Variants in SLITRK2 observed in about 807,000 individuals in gnomAD.
The protein encoded by SLITRK2 is SLIT and NTRK-like protein 2.
Under a neutral mutation model 35.4 loss-of-function variants are expected in SLITRK2, and 13 were observed. The observed-to-expected ratio is 0.37, with a 90% CI of 0.24 to 0.58. The LOEUF is 0.58. Ranked by LOEUF, SLITRK2 falls within the 20% of genes least tolerant of loss-of-function variation. The pLI is 0.75. For synonymous variants in SLITRK2, 294 were observed against 264.7 expected (o/e 1.11, Z -1.07); for missense variants, 471 against 634.3 (o/e 0.74, Z 2.76).
rs782276159 is a variant in SLITRK2 at position 145,824,134 on chromosome X, A to C, written c.1709A>C (p.Lys570Thr). Residue 570 changes from lysine to threonine, a missense_variant, in exon 5 of 5, where the codon AAA (lysine) becomes ACA (threonine). Lys to Thr is a moderately conservative substitution (Grantham distance 78, BLOSUM62 -1). Around this residue, in one of 7 missense-constraint regions of SLITRK2, gnomAD observed 92 missense variants for 184.2 expected, o/e 0.50. Transcript: ENST00000335565. ...SPAKHAGEIL[K>T]FLGREAICPD... ...GCTAAGCATGCAGGGGAGATACTAA[A>C]ATTTCTGGGGAGGGAGGCTATCTGT... 1 of 1,210,020 alleles carries C rather than the reference A, an allele frequency of 8.3e-7. No homozygotes were observed. The highest frequency in any genetic ancestry group is 1.7e-5 in the African/African-American group (1 of 57,560).
At position 145,826,350 on chromosome X, in the gene SLITRK2, C is replaced by T. The variant is rs1007005357; in HGVS notation, c.*1387C>T. On this transcript the variant is annotated 3_prime_UTR_variant, in exon 5 of 5. Coordinates refer to ENST00000335565, the MANE Select transcript of SLITRK2 (RefSeq NM_032539.5). ...GTGCTATCAAATCAAGTACTATTTG[C>T]GTCTCCAAATCGATTAATAGTTACC... 5 of 112,013 alleles carry T rather than the reference C, an allele frequency of 4.5e-5. No homozygotes were observed. Among genetic ancestry groups the T allele is most frequent in the Admixed American group, 2.8e-4 (3 of 10,592 alleles). The allele number at this position is 112,013 out of a possible 1,213,427, so 9.2% of individuals were successfully genotyped here.
Position 145,826,596 on chromosome X carries a change from C to T in SLITRK2, c.*1633C>T, listed in dbSNP as rs1432690723. ...TTAAACAAACAGCCCTTCTTTACAA[C>T]AAAAAATAGTTTTGTTTTGTCTATT... On this transcript the variant is annotated 3_prime_UTR_variant, in exon 5 of 5. Coordinates refer to ENST00000335565, the MANE Select transcript of SLITRK2 (RefSeq NM_032539.5). The T allele has an allele frequency of 8.9e-6, 1 of 112,111 alleles. No homozygotes were observed. The highest frequency in any genetic ancestry group is 1.9e-5 in the Non-Finnish European group (1 of 53,099). The allele number at this position is 112,111 out of a possible 1,213,427, so 9.2% of individuals were successfully genotyped here.
rs1419676447 is a variant in SLITRK2, at chrX:145,827,191, T to C, written c.*2228T>C. 8.9e-6 allele frequency: 1 copy of C among 112,045 alleles called. No homozygotes were observed. The highest frequency in any genetic ancestry group is 9.5e-5 in the Admixed American group (1 of 10,524). 9.2% of individuals were successfully genotyped at this position (112,045 alleles called of 1,213,427 possible). On this transcript the variant is annotated 3_prime_UTR_variant, in exon 5 of 5. Coordinates refer to ENST00000335565, the MANE Select transcript of SLITRK2 (RefSeq NM_032539.5). Reference sequence around the variant, plus strand: ...GAACTAGAATATTATGCTAGTTGAATGTGGAGAAGACTCCTGGAAACCACT... The same window carrying C: ...GAACTAGAATATTATGCTAGTTGAACGTGGAGAAGACTCCTGGAAACCACT...
intron 2 of SLITRK2, 96 bp downstream of exon 2, chrX:145,820,632 C>T (rs1276464200): frequency 9.0e-6 from 1 of 111,643 alleles, no homozygotes; most frequent in African/African-American, 3.3e-5. Flanking sequence ...CCTAGCTCCC[C>T]TGCCCCTGCA....
In SLITRK2 at chrX:145,823,342, A is replaced by G. The variant is rs782156172; in HGVS notation, c.917A>G (p.Lys306Arg). 5 of 1,209,404 alleles carry G rather than the reference A, an allele frequency of 4.1e-6. No individual in the cohort carries two copies. The highest frequency in any genetic ancestry group is 3.4e-6 in the Non-Finnish European group (3 of 895,026). Reference protein sequence around the residue: ...TRAPKASRPPKMRNRPTPRVT... With the variant: ...TRAPKASRPPRMRNRPTPRVT... ...GCTCCGAAAGCCAGCCGGCCGCCCA[A>G]AATGAGAAATCGTCCAACTCCTCGA... The change falls in exon 5 of 5, where the codon AAA becomes AGA. Residue 306 changes from lysine (K) to arginine (R), a missense_variant. Coordinates refer to ENST00000335565, the MANE Select transcript of SLITRK2 (RefSeq NM_032539.5).
chrX:145,822,652 G>C lies in SLITRK2; in HGVS notation c.227G>C (p.Arg76Thr), dbSNP rs782623608. The change falls in exon 5 of 5, where the codon AGA becomes ACA. Residue 76 changes from arginine to threonine, a missense_variant. Coordinates refer to ENST00000335565, the MANE Select transcript of SLITRK2 (RefSeq NM_032539.5). Reference protein sequence around the residue: ...QLFLNGNLLTRLYPNEFVNYS... With the variant: ...QLFLNGNLLTTLYPNEFVNYS... ...TTTCTCAATGGAAACCTCTTGACAA[G>C]ACTGTATCCAAACGAATTTGTCAAT... 1.7e-6 allele frequency: 2 copies of C among 1,211,718 alleles called. No homozygotes were observed. The highest frequency in any genetic ancestry group is 2.2e-6 in the Non-Finnish European group (2 of 895,487).
Position 145,826,807 on chromosome X carries a change from A to C in SLITRK2, c.*1844A>C, listed in dbSNP as rs2073131697. The C allele has an allele frequency of 8.9e-6, 1 of 112,029 alleles. No individual in the cohort carries two copies. Among genetic ancestry groups the C allele is most frequent in the African/African-American group, 3.2e-5 (1 of 30,866 alleles). The allele number at this position is 112,029 out of a possible 1,213,427, so 9.2% of individuals were successfully genotyped here. A position where few individuals can be genotyped will look rare whatever the true frequency, so the allele number is the denominator to read the frequency against. ...AGTGGATACTGATAACTTACTTTTA[A>C]AGCTTTAAAATTACCAATAGTATAT... On this transcript the variant is annotated 3_prime_UTR_variant, in exon 5 of 5. Coordinates refer to ENST00000335565, the MANE Select transcript of SLITRK2 (RefSeq NM_032539.5).
Position 145,826,239 on chromosome X carries a change from C to T in SLITRK2, c.*1276C>T, listed in dbSNP as rs941045499. 3.6e-5 allele frequency: 4 copies of T among 111,580 alleles called. No individual in the cohort carries two copies. Among genetic ancestry groups the T allele is most frequent in the Non-Finnish European group, 5.7e-5 (3 of 53,075 alleles). 9.2% of individuals were successfully genotyped at this position (111,580 alleles called of 1,213,427 possible). ...CCATTACTCTATTTATTTTAGATCA[C>T]GGGTTAGACTCATAATCCTTCTCAA... On this transcript the variant is annotated 3_prime_UTR_variant, in exon 5 of 5. Coordinates refer to ENST00000335565, the MANE Select transcript of SLITRK2 (RefSeq NM_032539.5).
rs1194682524 is a variant in SLITRK2, at chrX:145,829,047, T to G, written c.*4084T>G. On this transcript the variant is annotated 3_prime_UTR_variant, in exon 5 of 5. Coordinates refer to ENST00000335565, the MANE Select transcript of SLITRK2 (RefSeq NM_032539.5). ...TCAGAGGTAATATTTACTTTCTATT[T>G]CAGTGGCTTAAATTATAACGTTTTG... is the stretch of plus-strand genomic sequence containing the variant. 1 of 123,434 alleles carries G rather than the reference T, an allele frequency of 8.1e-6. No individual in the cohort carries two copies. The highest frequency in any genetic ancestry group is 1.9e-5 in the Non-Finnish European group (1 of 53,304). 10.2% of individuals were successfully genotyped at this position (123,434 alleles called of 1,213,427 possible).
chrX:145,828,642 A>G lies in SLITRK2; in HGVS notation c.*3679A>G, dbSNP rs938814680. 4.9e-5 allele frequency: 6 copies of G among 122,779 alleles called. No individual in the cohort carries two copies. Among genetic ancestry groups the G allele is most frequent in the African/African-American group, 2.0e-4 (6 of 30,582 alleles). 10.1% of individuals were successfully genotyped at this position (122,779 alleles called of 1,213,427 possible). A position where few individuals can be genotyped will look rare whatever the true frequency, so the allele number is the denominator to read the frequency against. ...GCAAGGAGCTTCGTGCTAATAAGAGAGAGTCTTACCTGAATGGCAATCGCC... is the reference window on the plus strand; with the variant it reads ...GCAAGGAGCTTCGTGCTAATAAGAGGGAGTCTTACCTGAATGGCAATCGCC... On this transcript the variant is annotated 3_prime_UTR_variant, in exon 5 of 5. Transcript: ENST00000335565.
rs1325075538 is a variant in SLITRK2, at chrX:145,825,216, C to T, written c.*253C>T. 1.4e-5 allele frequency: 4 copies of T among 296,001 alleles called. No homozygotes were observed. Among genetic ancestry groups the T allele is most frequent in the African/African-American group, 3.4e-5 (1 of 29,122 alleles). The allele number at this position is 296,001 out of a possible 1,213,427, so 24.4% of individuals were successfully genotyped here. Reference sequence around the variant, plus strand: ...TCTTTTTCCCTTCTCTTCTTAGGAACCATCAGTGGACATGAATGTTTCTAC... The same window carrying T: ...TCTTTTTCCCTTCTCTTCTTAGGAATCATCAGTGGACATGAATGTTTCTAC... On this transcript the variant is annotated 3_prime_UTR_variant, in exon 5 of 5. Transcript: ENST00000335565.
rs2073151780 is a variant in SLITRK2 at position 145,829,174 on chromosome X, CAA to C, written c.*4215_*4216del. The C allele has an allele frequency of 8.1e-6, 1 of 123,557 alleles. No individual in the cohort carries two copies. Among genetic ancestry groups the C allele is most frequent in the Non-Finnish European group, 1.9e-5 (1 of 53,355 alleles). The allele number at this position is 123,557 out of a possible 1,213,427, so 10.2% of individuals were successfully genotyped here. A position where few individuals can be genotyped will look rare whatever the true frequency, so the allele number is the denominator to read the frequency against. ...TACTTTGCTTCTCACAATGATTGTG[CAA>C]AAAGTCACGTGTAAATTGAACTTTT... On this transcript the variant is annotated 3_prime_UTR_variant, in exon 5 of 5. Transcript: ENST00000335565.
At position 145,822,475 on chromosome X, in the gene SLITRK2, T is replaced by C; in HGVS notation, c.50T>C (p.Leu17Ser). Residue 17 changes from leucine (L) to serine (S), a missense_variant, in exon 5 of 5, where the codon TTA becomes TCA. Coordinates refer to ENST00000335565, the MANE Select transcript of SLITRK2 (RefSeq NM_032539.5). ...FLSVLTVAGI[L>S]QTESRKTAKD... The stretch of plus-strand genomic sequence containing the variant: ...AGTGTGTTAACCGTGGCCGGGATCT[T>C]ACAGACAGAGAGTCGCAAAACTGCC... 8.3e-7 allele frequency: 1 copy of C among 1,211,098 alleles called. No individual in the cohort carries two copies. Among genetic ancestry groups the C allele is most frequent in the Non-Finnish European group, 1.1e-6 (1 of 895,114 alleles).
At position 145,823,201 on chromosome X, in the gene SLITRK2, G is replaced by A. The variant is rs1569506546; in HGVS notation, c.776G>A (p.Arg259Lys). ...LHGKDVTQLT[R>K]QDLCPRKSAS... ...GGGAAAGACGTGACCCAGCTGACCA[G>A]GCAAGACCTCTGTCCCAGAAAAAGT... Residue 259 changes from arginine to lysine, a missense_variant, in exon 5 of 5, where the codon AGG becomes AAG. Coordinates refer to ENST00000335565, the MANE Select transcript of SLITRK2 (RefSeq NM_032539.5). 8.3e-7 allele frequency: 1 copy of A among 1,211,557 alleles called. No homozygotes were observed. Among genetic ancestry groups the A allele is most frequent in the Non-Finnish European group, 1.1e-6 (1 of 895,447 alleles).
rs1484543721 is a variant in SLITRK2 at position 145,826,997 on chromosome X, C to T, written c.*2034C>T. 4.5e-5 allele frequency: 5 copies of T among 111,761 alleles called. No homozygotes were observed. The highest frequency in any genetic ancestry group is 3.8e-4 in the Admixed American group (4 of 10,515). 9.2% of individuals were successfully genotyped at this position (111,761 alleles called of 1,213,427 possible). On this transcript the variant is annotated 3_prime_UTR_variant, in exon 5 of 5. Transcript: ENST00000335565. ...TAAAGGGCATTGAAGAGAAACATAT[C>T]TTTAACAACATAAAATCTCTGAATA... is the stretch of plus-strand genomic sequence containing the variant.
Position 145,825,271 on chromosome X carries a change from G to A in SLITRK2, c.*308G>A, listed in dbSNP as rs2073109672. The A allele has an allele frequency of 4.3e-6, 1 of 231,585 alleles. No individual in the cohort carries two copies. The highest frequency in any genetic ancestry group is 7.8e-6 in the Non-Finnish European group (1 of 127,647). 19.1% of individuals were successfully genotyped at this position (231,585 alleles called of 1,213,427 possible). Reference sequence around the variant, plus strand: ...CATTTCTTCATAGATTTTGTTTATGGTTTTGTTTCTTTTTTCTTCTTTGTT... The same window carrying A: ...CATTTCTTCATAGATTTTGTTTATGATTTTGTTTCTTTTTTCTTCTTTGTT... On this transcript the variant is annotated 3_prime_UTR_variant, in exon 5 of 5. Transcript: ENST00000335565.
At position 145,824,685 on chromosome X, in the gene SLITRK2, C is replaced by A. The variant is rs781860277; in HGVS notation, c.2260C>A (p.Leu754Met). 1 of 1,211,784 alleles carries A rather than the reference C, an allele frequency of 8.3e-7. No homozygotes were observed. The highest frequency in any genetic ancestry group is 2.2e-5 in the Admixed American group (1 of 46,039). Residue 754 changes from leucine to methionine, a missense_variant, in exon 5 of 5, where the codon CTG becomes ATG. Coordinates refer to ENST00000335565, the MANE Select transcript of SLITRK2 (RefSeq NM_032539.5). ...EKQATPREPE[L>M]LYQNIAERVK... ...GCAGGCCACACCAAGAGAGCCTGAG[C>A]TGCTGTATCAAAATATTGCTGAGCG...
chrX:145,819,512 C>G (rs2072957182), intron 1 of SLITRK2: 1 of 112,213 alleles, frequency 8.9e-6, no homozygotes, highest in Non-Finnish European at 1.9e-5. Flanking sequence ...GCTCTCACGT[C>G]TTTACTTCAG....
At position 145,825,860 on chromosome X, in the gene SLITRK2, C is replaced by A. The variant is rs2073119418; in HGVS notation, c.*897C>A. On this transcript the variant is annotated 3_prime_UTR_variant, in exon 5 of 5. Coordinates refer to ENST00000335565, the MANE Select transcript of SLITRK2 (RefSeq NM_032539.5). Reference sequence around the variant, plus strand: ...TAACCCAATATCAGAGTGAATTGAGCAATTAATGCCCTTCCATAAATCATT... The same window carrying A: ...TAACCCAATATCAGAGTGAATTGAGAAATTAATGCCCTTCCATAAATCATT... 8.2e-6 allele frequency: 1 copy of A among 121,931 alleles called. No homozygotes were observed. The highest frequency in any genetic ancestry group is 3.3e-5 in the African/African-American group (1 of 30,617). The allele number at this position is 121,931 out of a possible 1,213,427, so 10.0% of individuals were successfully genotyped here. A position where few individuals can be genotyped will look rare whatever the true frequency, so the allele number is the denominator to read the frequency against.
Sources: allele counts gnomAD v4.1 joint callset, GRCh38; gene constraint gnomAD v4.1.1; regional missense constraint gnomAD v4.1.1; transcripts MANE v1.5; gene names NCBI Gene and HGNC (gene_info 2026-07-23, HGNC 2026-07-21).